Variants in ABCB5 observed in about 807,000 individuals in gnomAD.
ABCB5 encodes ATP-binding cassette sub-family B member 5.
A neutral mutation model predicts 144.2 loss-of-function variants in ABCB5; 155 were observed. The observed-to-expected ratio is 1.08, with a 90% CI of 0.94 to 1.23. The LOEUF is 1.23. Among genes scored for constraint, ABCB5 ranks in the 50% most tolerant of loss-of-function variants. The probability of loss-of-function intolerance (pLI) is 0.00; values close to 1 mark genes in which losing one functional copy is unlikely to be tolerated. For missense variants in ABCB5, 1,830 were observed against 1,520.8 expected (o/e 1.20, Z -3.38); for synonymous variants, 610 against 528.6 (o/e 1.15, Z -2.11).
At chr7:20,617,200 T>C (rs1035452583) in intron 1 of ABCB5, among the ~76,000 whole-genome samples, 5 of 152,220 alleles carry the variant, frequency 3.3e-5, no homozygotes, top group African/African-American at 1.2e-4. Context: ...TGTTCAGTGC[T>C]TAAAACAGTA....
Position 20,713,201 on chromosome 7 carries a change from T to C in ABCB5, c.2421+8394T>C, listed in dbSNP as rs1158012875. 1.3e-5 allele frequency among the ~76,000 whole-genome samples: 2 copies of C among 149,420 alleles called. 1 individual carries two copies. The highest frequency in any genetic ancestry group is 5.0e-5 in the African/African-American group (2 of 40,316). On this transcript the variant is annotated intron_variant, in intron 20 of 27. Coordinates refer to ENST00000404938, the MANE Select transcript of ABCB5 (RefSeq NM_001163941.2). ...GTCCATGGATTCATTTTTATCCTTA[T>C]CATAGGTCTTATTTTGCCACTTTGC...
intron 14 of ABCB5, chr7:20,666,715 G>A (rs1292261683): frequency 6.3e-7 from 1 of 1,588,368 alleles, no homozygotes; most frequent in Admixed American, 1.8e-5. Flanking sequence ...CTGTGAAGTA[G>A]GATAGGAGAT....
At chr7:20,713,736 A>C (rs1471948886) in intron 20 of ABCB5, among the ~76,000 whole-genome samples, 3 of 149,600 alleles carry the variant, frequency 2.0e-5, no homozygotes, top group African/African-American at 7.4e-5. Context: ...ACCCTTCCAC[A>C]TACTCTACCT....
intron 20 of ABCB5, among the ~76,000 whole-genome samples, chr7:20,716,210 A>G (rs1187107795): frequency 6.6e-6 from 1 of 152,206 alleles, no homozygotes; most frequent in East Asian, 1.9e-4. Context: ...AGTAAAAATC[A>G]TTGGCTTCAA....
intron 5 of ABCB5, chr7:20,641,898 A>G (rs1296760388): frequency 3.3e-5 from 5 of 152,320 alleles, no homozygotes; most frequent in Admixed American, 6.6e-5. Context: ...TCTAGCAGAG[A>G]AAGTTGGTTG....
rs113838367 is a variant in ABCB5 at position 20,673,669 on chromosome 7, A to T, written c.1708-7836A>T. Among the ~76,000 whole-genome samples, 270 of 152,054 alleles carry T rather than the reference A, an allele frequency of 1.8e-3. 2 individuals are homozygous for T. Among genetic ancestry groups the T allele is most frequent in the African/African-American group, 6.1e-3 (252 of 41,552 alleles). Reference sequence around the variant, plus strand: ...TGTTTCTTTATATTTAAAATGTGTTACTGACAGATGACACGTAGTTGGGTC... The same window carrying T: ...TGTTTCTTTATATTTAAAATGTGTTTCTGACAGATGACACGTAGTTGGGTC... On this transcript the variant is annotated intron_variant, in intron 14 of 27. Transcript: ENST00000404938.
chr7:20,752,130 G>C (rs1396037362), intron 26 of ABCB5, among the ~76,000 whole-genome samples: 3 of 152,218 alleles, frequency 2.0e-5, no homozygotes, highest in Admixed American at 6.5e-5. Context: ...AAAATGAACA[G>C]CTAGGAATCA....
chr7:20,652,552 A>G (rs1784631883), intron 13 of ABCB5, among the ~76,000 whole-genome samples: 1 of 151,228 alleles, frequency 6.6e-6, no homozygotes, highest in Admixed American at 6.6e-5. Flanking sequence ...CCTGAGCAAC[A>G]GAGTGAGACT....
chr7:20,686,826 C>T (rs559429924), intron 16 of ABCB5, among the ~76,000 whole-genome samples: 9 of 152,052 alleles, frequency 5.9e-5, no homozygotes, highest in African/African-American at 2.2e-4. Context: ...CCTCTTAGCC[C>T]GTCTTCATGC....
At chr7:20,668,656 C>T (rs1160895099) in intron 14 of ABCB5, among the ~76,000 whole-genome samples, 11 of 146,308 alleles carry the variant, frequency 7.5e-5, no homozygotes, top group South Asian at 2.2e-4. Context: ...CTCCTCTGCC[C>T]GGCCGCCCCT....
chr7:20,666,797 C>A, intron 14 of ABCB5: 1 of 1,592,930 alleles, frequency 6.3e-7, no homozygotes, highest in Non-Finnish European at 8.6e-7. Flanking sequence ...TAATCTACCA[C>A]ACTATCTACG....
chr7:20,647,474 A>T, intron 9 of ABCB5, 61 bp from the exon 10 acceptor site: 1 of 1,495,822 alleles, frequency 6.7e-7, no homozygotes, highest in Non-Finnish European at 8.9e-7. Flanking sequence ...TATATATTAC[A>T]TTCTATTGTC....
intron 19 of ABCB5, among the ~76,000 whole-genome samples, chr7:20,703,316 A>T (rs920322215): frequency 2.0e-5 from 3 of 152,204 alleles, no homozygotes; most frequent in African/African-American, 7.2e-5. Context: ...GCTGCTGTGT[A>T]TTCACAGTAT....
chr7:20,688,656 A>G (rs1786089569), intron 16 of ABCB5, among the ~76,000 whole-genome samples: 1 of 152,222 alleles, frequency 6.6e-6, no homozygotes, highest in Admixed American at 6.5e-5. Context: ...GCTGCTATAA[A>G]GACACATGCA....
chr7:20,682,433 T>A (rs1221405903), intron 15 of ABCB5, among the ~76,000 whole-genome samples: 1 of 152,048 alleles, frequency 6.6e-6, no homozygotes, highest in African/African-American at 2.4e-5. Context: ...ATGGAAGAGG[T>A]CTTTAAGGTT....
intron 14 of ABCB5, among the ~76,000 whole-genome samples, chr7:20,674,431 G>A (rs1471102778): frequency 6.6e-6 from 1 of 151,858 alleles, no homozygotes; most frequent in Non-Finnish European, 1.5e-5. Flanking sequence ...CCTTAAAGAT[G>A]TTGCTCACTG....
At chr7:20,682,814 G>T (rs939817223) in intron 15 of ABCB5, among the ~76,000 whole-genome samples, 1 of 152,170 alleles carries the variant, frequency 6.6e-6, no homozygotes, top group Non-Finnish European at 1.5e-5. Flanking sequence ...TCAAGCTGGG[G>T]CATGATGATG....
chr7:20,730,210 T>G (rs530232011), intron 23 of ABCB5, among the ~76,000 whole-genome samples: 1 of 152,190 alleles, frequency 6.6e-6, no homozygotes, highest in Non-Finnish European at 1.5e-5. Context: ...ATATCTGTAT[T>G]TAAAATTTCA....
chr7:20,695,290 A>C (rs1023029889), intron 16 of ABCB5, among the ~76,000 whole-genome samples: 1 of 151,934 alleles, frequency 6.6e-6, no homozygotes, highest in African/African-American at 2.4e-5. Context: ...ATTGCTTTTC[A>C]ACACAAGGGC....
Sources: allele counts gnomAD v4.1 joint callset (sites outside exome capture counted in the v4.1 genomes callset), GRCh38; gene constraint gnomAD v4.1.1; transcripts MANE v1.5; gene names NCBI Gene and HGNC (gene_info 2026-07-23, HGNC 2026-07-21).